SMCO2: variants seen among roughly 807,000 people sequenced by gnomAD.
The protein encoded by SMCO2 is single-pass membrane protein with coiled-coil domains 2, also known as single-pass membrane and coiled-coil domain-containing protein 2.
A neutral mutation model predicts 29.5 loss-of-function variants in SMCO2; 25 were observed. That is an observed-to-expected ratio of 0.85 (90% CI 0.62 to 1.18). The LOEUF (loss-of-function observed/expected upper bound fraction) is 1.18, where lower values mean the gene tolerates loss of function less well. Among genes scored for constraint, SMCO2 ranks in the 50% most tolerant of loss-of-function variants. The pLI, the probability that SMCO2 is intolerant of heterozygous loss-of-function variation, is 0.00. For synonymous variants in SMCO2, 117 were observed against 123.3 expected, an observed-to-expected ratio of 0.95 and a Z score of 0.34; for missense variants, 348 against 344.5, an observed-to-expected ratio of 1.01 and a Z score of -0.08.
chr12:27,442,264 T>C, the SMCO2 span, among the ~76,000 whole-genome samples: 1 of 152,270 alleles, frequency 6.6e-6, no homozygotes, highest in South Asian at 2.1e-4. Flanking sequence ...AAAAGTTGGC[T>C]TTTTGAAAAG....
chr12:27,461,371 C>T, the SMCO2 span, among the ~76,000 whole-genome samples: 2 of 152,054 alleles, frequency 1.3e-5, no homozygotes, highest in Non-Finnish European at 2.9e-5. Context: ...TAGCATAGTA[C>T]TCAATAGGTA....
the SMCO2 span, among the ~76,000 whole-genome samples, chr12:27,432,291 T>C: frequency 6.6e-6 from 1 of 152,236 alleles, no homozygotes; most frequent in African/African-American, 2.4e-5. Flanking sequence ...CTATTTTTGC[T>C]TTTGTTGCTT....
the SMCO2 span, among the ~76,000 whole-genome samples, chr12:27,456,084 C>G: frequency 6.6e-6 from 1 of 152,040 alleles, no homozygotes; most frequent in Admixed American, 6.6e-5. Context: ...GCGTGGTGGC[C>G]CATGCCTGTA....
the SMCO2 span, among the ~76,000 whole-genome samples, chr12:27,446,039 G>A: frequency 2.6e-5 from 4 of 152,214 alleles, no homozygotes; most frequent in East Asian, 7.7e-4. Flanking sequence ...AAGTAGCTGG[G>A]ATTATAGGCA....
the SMCO2 span, chr12:27,423,655 A>C: frequency 6.6e-6 from 1 of 152,042 alleles, no homozygotes; most frequent in Non-Finnish European, 1.5e-5. Context: ...TAACCCTAAG[A>C]ATTACCACTA....
rs989864485 is a variant in SMCO2, at chr12:27,502,135, A to G, written c.*14A>G. 5 of 1,496,026 alleles carry G rather than the reference A, an allele frequency of 3.3e-6. 1 individual carries two copies. The African/African-American group carries it at 4.7e-5, about 14-fold the overall frequency. The allele number at this position is 1,496,026 out of a possible 1,614,324, so 92.7% of individuals were successfully genotyped here. A position where few individuals can be genotyped will look rare whatever the true frequency, so the allele number is the denominator to read the frequency against. On this transcript the variant is annotated 3_prime_UTR_variant, in exon 8 of 8. Transcript: ENST00000298876. Reference sequence around the variant, plus strand: ...TTACCCTCCTAAAGATACAGAAGTTACTGTCACCCTACTGACTTTCTCACC... The same window carrying G: ...TTACCCTCCTAAAGATACAGAAGTTGCTGTCACCCTACTGACTTTCTCACC...
chr12:27,482,817 C>T (rs1592211662), intron 4 of SMCO2, among the ~76,000 whole-genome samples: 1 of 152,156 alleles, frequency 6.6e-6, no homozygotes, highest in Non-Finnish European at 1.5e-5. Flanking sequence ...TGCTCAACCT[C>T]CCAGGCTCAA....
intron 4 of SMCO2, among the ~76,000 whole-genome samples, chr12:27,481,895 C>T (rs1221524369): frequency 6.6e-6 from 1 of 152,038 alleles, no homozygotes; most frequent in East Asian, 1.9e-4. Context: ...TTTGTTGTAT[C>T]AGTCTGGATA....
At chr12:27,464,310 C>G (rs555610300), upstream of SMCO2, among the ~76,000 whole-genome samples, 3 of 152,274 alleles carry the variant, frequency 2.0e-5, no homozygotes, top group African/African-American at 2.4e-5. Flanking sequence ...GGCGAGGTCA[C>G]CGCCCACAGA....
chr12:27,447,689 T>G, the SMCO2 span, among the ~76,000 whole-genome samples: 1 of 136,806 alleles, frequency 7.3e-6, no homozygotes, highest in Non-Finnish European at 1.5e-5. Context: ...CTGCAGTGAG[T>G]GGTGATCGCA....
intron 7 of SMCO2, 89 bp from the exon 9 acceptor site, chr12:27,501,834 T>C: frequency 2.8e-6 from 3 of 1,053,568 alleles, no homozygotes; most frequent in Non-Finnish European, 2.6e-6. Context: ...TAGTTGAAGT[T>C]TTAGAGCTAC....
At chr12:27,488,609 AC>A in intron 5 of SMCO2, 62 bp downstream of exon 6, 2 of 1,255,252 alleles carry the variant, frequency 1.6e-6, no homozygotes, top group Middle Eastern at 1.9e-4. Flanking sequence ...TTTCCCTACT[AC>A]CTTTCTATTG....
intron 1 of SMCO2, among the ~76,000 whole-genome samples, chr12:27,469,774 A>G (rs1592203245): frequency 6.6e-6 from 1 of 152,080 alleles, no homozygotes; most frequent in Non-Finnish European, 1.5e-5. Flanking sequence ...ACACGTCTCT[A>G]CCTTCTTTCC....
chr12:27,456,627 A>G, the SMCO2 span, among the ~76,000 whole-genome samples: 10 of 152,348 alleles, frequency 6.6e-5, no homozygotes, highest in African/African-American at 2.4e-4. Context: ...AAATAAAAGG[A>G]TTAAAATCAG....
intron 4 of SMCO2, among the ~76,000 whole-genome samples, chr12:27,485,505 A>G (rs1487133016): frequency 6.9e-6 from 1 of 145,148 alleles, no homozygotes; most frequent in Non-Finnish European, 1.5e-5. Flanking sequence ...GCTGGAGTGC[A>G]GTGGCGTGAT....
chr12:27,455,164 A>G, the SMCO2 span, among the ~76,000 whole-genome samples: 1 of 152,186 alleles, frequency 6.6e-6, no homozygotes, highest in South Asian at 2.1e-4. Flanking sequence ...TTGGTGTTTG[A>G]ATGGCAGGGC....
the SMCO2 span, among the ~76,000 whole-genome samples, chr12:27,428,836 T>A: frequency 1.3e-5 from 2 of 150,482 alleles, no homozygotes; most frequent in Admixed American, 6.6e-5. Flanking sequence ...TTTTTTTTTT[T>A]ACAAAACTAC....
chr12:27,456,323 T>A, the SMCO2 span, among the ~76,000 whole-genome samples: 1 of 152,118 alleles, frequency 6.6e-6, no homozygotes, highest in Admixed American at 6.5e-5. Context: ...TGCACATCAA[T>A]ATAGTGATAC....
At chr12:27,425,981 G>A in the SMCO2 span, among the ~76,000 whole-genome samples, 1 of 152,144 alleles carries the variant, frequency 6.6e-6, no homozygotes, top group African/African-American at 2.4e-5. Context: ...TAAGCAGTAG[G>A]TTCTTTCCAG....
Sources: gnomAD v4.1 joint callset for allele counts (sites outside exome capture counted in the v4.1 genomes callset) on GRCh38, gnomAD v4.1.1 for gene constraint, MANE v1.5 for transcripts, NCBI Gene and HGNC (gene_info 2026-07-23, HGNC 2026-07-21) for gene names.